Variants in TOP1MT observed in about 807,000 individuals in gnomAD.
The protein encoded by TOP1MT is DNA topoisomerase I, mitochondrial.
TOP1MT carries 80 observed loss-of-function variants against 73.9 expected under a neutral mutation model. The observed-to-expected ratio is 1.08, with a 90% CI of 0.90 to 1.30. The LOEUF is 1.30. Ranked by LOEUF, TOP1MT falls within the 50% of genes most tolerant of loss-of-function variation. The pLI, the probability that TOP1MT is intolerant of heterozygous loss-of-function variation, is 0.00. For missense variants in TOP1MT, 815 were observed against 808.0 expected (o/e 1.01, Z -0.10); for synonymous variants, 338 against 326.4 (o/e 1.04, Z -0.38).
At chr8:143,333,080 C>T (rs777162091) in intron 1 of TOP1MT, among the ~76,000 whole-genome samples, 6 of 152,168 alleles carry the variant, frequency 3.9e-5, no homozygotes, top group Non-Finnish European at 7.3e-5. Flanking sequence ...ACCTAGACAA[C>T]GCCTTCTTAG....
At chr8:143,340,885 G>A (rs185471724) in intron 2 of TOP1MT, among the ~76,000 whole-genome samples, 56 of 152,090 alleles carry the variant, frequency 3.7e-4, no homozygotes, top group South Asian at 2.3e-3. Context: ...CCTCGTCCTC[G>A]TTCTGTGCTT....
chr8:143,321,938 ACG>A (rs1563758593), intron 7 of TOP1MT, among the ~76,000 whole-genome samples: 13 of 106,780 alleles, frequency 1.2e-4, no homozygotes, highest in African/African-American at 4.8e-4. Context: ...CACGCCACAC[ACG>A]CACGCCACAC....
At chr8:143,350,492 T>G (rs1169945566) in intron 1 of TOP1MT, among the ~76,000 whole-genome samples, 1 of 152,108 alleles carries the variant, frequency 6.6e-6, no homozygotes, top group African/African-American at 2.4e-5. Flanking sequence ...CCACCATGCC[T>G]GGCTAATTTT....
intron 1 of TOP1MT, chr8:143,350,326 ACTTTT>A (rs955349930): frequency 3.3e-5 from 5 of 152,044 alleles, no homozygotes; most frequent in Admixed American, 1.3e-4. Flanking sequence ...CTTTCTTTTC[ACTTTT>A]CTTTTCTTTT....
At position 143,309,534 on chromosome 8, in the gene TOP1MT, C is replaced by T. The variant is rs766084492; in HGVS notation, c.1713G>A (p.Arg571=). 6.2e-7 allele frequency: 1 copy of T among 1,613,822 alleles called. No individual in the cohort carries two copies. Among genetic ancestry groups the T allele is most frequent in the African/African-American group, 1.3e-5 (1 of 75,044 alleles). Residue 571 remains arginine, a synonymous_variant, in exon 14 of 14, where the codon CGG becomes CGA. Coordinates refer to ENST00000329245, the MANE Select transcript of TOP1MT (RefSeq NM_052963.3). Reference sequence around the variant, plus strand: ...AGATCTTCTCCACTGGCACCCTGAACCGCTTGCACCTGCGGGAGGCAGCAT... The same window carrying T: ...AGATCTTCTCCACTGGCACCCTGAATCGCTTGCACCTGCGGGAGGCAGCAT... ...DPRISIAWCK[R]FRVPVEKIYS...
At chr8:143,359,976 G>A (rs1817477677), upstream of TOP1MT, 2 of 151,832 alleles carry the variant, frequency 1.3e-5, no homozygotes, top group South Asian at 4.1e-4. Context: ...GAAGGCCCGA[G>A]CCCGCGCATG....
chr8:143,350,500 T>C (rs1432128052), intron 1 of TOP1MT, among the ~76,000 whole-genome samples: 1 of 152,156 alleles, frequency 6.6e-6, no homozygotes, highest in East Asian at 1.9e-4. Context: ...CCTGGCTAAT[T>C]TTTGTATTTT....
chr8:143,349,423 A>G (rs1420651201), upstream of TOP1MT, among the ~76,000 whole-genome samples: 1 of 151,460 alleles, frequency 6.6e-6, no homozygotes, highest in Non-Finnish European at 1.5e-5. Flanking sequence ...AGGTTTACCT[A>G]CTGTGTCTTT....
At chr8:143,334,603 G>A (rs1421903338) in intron 1 of TOP1MT, 137 bp downstream of exon 1, 2 of 1,246,444 alleles carry the variant, frequency 1.6e-6, no homozygotes, top group African/African-American at 1.6e-5. Flanking sequence ...ACCGCGGCAC[G>A]CATGCTCTCC....
At position 143,315,716 on chromosome 8, in the gene TOP1MT, CG is replaced by C; in HGVS notation, c.1553+10del. The stretch of plus-strand genomic sequence containing the variant: ...CCCCGGGAGAAGGCGTCTGAGGGCA[CG>C]GGTACTCACCTCCTGGACTTGCCAT... On this transcript the variant is annotated intron_variant, in intron 12 of 13. Coordinates refer to ENST00000329245, the MANE Select transcript of TOP1MT (RefSeq NM_052963.3). 6.2e-7 allele frequency: 1 copy of C among 1,612,168 alleles called. No individual in the cohort carries two copies.
At chr8:143,331,930 G>A (rs887675018) in intron 1 of TOP1MT, 1 of 160,662 alleles carries the variant, frequency 6.2e-6, no homozygotes, top group African/African-American at 2.4e-5. Flanking sequence ...CCTGAAGCCA[G>A]AAGCCTCAGG....
rs560019502 is a variant in TOP1MT at position 143,309,627 on chromosome 8, T to C, written c.1704-84A>G. 9.5e-5 allele frequency: 150 copies of C among 1,583,832 alleles called. No homozygotes were observed. The African/African-American group carries it at 1.7e-3, about 18-fold the overall frequency. On this transcript the variant is annotated intron_variant, in intron 13 of 13. Coordinates refer to ENST00000329245, the MANE Select transcript of TOP1MT (RefSeq NM_052963.3). Reference sequence around the variant, plus strand: ...TCAGGGTGCTCGGCAAGGGCGAGCGTCCTCCATGCAGCAGAGACACCAGAG... The same window carrying C: ...TCAGGGTGCTCGGCAAGGGCGAGCGCCCTCCATGCAGCAGAGACACCAGAG...
intron 1 of TOP1MT, chr8:143,343,550 C>T (rs901618212): frequency 1.4e-5 from 4 of 279,186 alleles, no homozygotes; most frequent in South Asian, 3.5e-5. Context: ...AGGCCCCTCC[C>T]GGCCTCGGGA....
At position 143,316,009 on chromosome 8, in the gene TOP1MT, A is replaced by G. The variant is rs747709671; in HGVS notation, c.1448T>C (p.Leu483Pro). 2 of 1,614,074 alleles carry G rather than the reference A, an allele frequency of 1.2e-6. No individual in the cohort carries two copies. The highest frequency in any genetic ancestry group is 1.7e-6 in the Non-Finnish European group (2 of 1,179,982). The change falls in exon 11 of 14, where the codon CTC (leucine) becomes CCC (proline). Residue 483 changes from leucine (L) to proline (P), a missense_variant. Physicochemically the swap from Leu to Pro is moderately conservative, Grantham distance 98. Coordinates refer to ENST00000329245, the MANE Select transcript of TOP1MT (RefSeq NM_052963.3). The stretch of plus-strand genomic sequence containing the variant: ...CCTGGGAGCTGCTACCTTCGTCTGG[A>G]GATTCTGCATCGACTTCTCGAACGT... Reference protein sequence around the residue: ...PSTFEKSMQNLQTKIQAKKEQ... With the variant: ...PSTFEKSMQNPQTKIQAKKEQ...
chr8:143,340,634 C>T lies in TOP1MT; in HGVS notation c.29+2586G>A, dbSNP rs57269992. On this transcript the variant is annotated intron_variant, in intron 2 of 5. Coordinates refer to the TOP1MT transcript ENST00000518007. Reference sequence around the variant, plus strand: ...GTCACCCTTTGCCCCAGGGCAATGGCGAGGCCACGCCGCTGGCTGTGGTGC... The same window carrying T: ...GTCACCCTTTGCCCCAGGGCAATGGTGAGGCCACGCCGCTGGCTGTGGTGC... Among the ~76,000 whole-genome samples, 1,441 of 152,290 alleles carry T rather than the reference C, an allele frequency of 9.5e-3. 21 individuals are homozygous for T. The highest frequency in any genetic ancestry group is 0.032 in the African/African-American group (1,329 of 41,552).
At chr8:143,339,361 G>A (rs1478667038), upstream of TOP1MT, among the ~76,000 whole-genome samples, 3 of 152,314 alleles carry the variant, frequency 2.0e-5, no homozygotes, top group Admixed American at 6.5e-5. Flanking sequence ...TGCGCAGCTC[G>A]TGGCTGCGTA....
chr8:143,315,136 C>T (rs1036936963), intron 12 of TOP1MT, among the ~76,000 whole-genome samples: 22 of 151,896 alleles, frequency 1.4e-4, no homozygotes, highest in South Asian at 1.2e-3. Context: ...TTAGAGAAGA[C>T]TCTACTCCTC....
intron 1 of TOP1MT, 115 bp downstream of exon 1, chr8:143,334,625 T>C (rs1816941992): frequency 6.1e-6 from 9 of 1,470,646 alleles, no homozygotes; most frequent in East Asian, 2.7e-5. Flanking sequence ...GGCCCGACTT[T>C]TGGGAAAACC....
chr8:143,353,459 T>A (rs1445735002), intron 1 of TOP1MT, among the ~76,000 whole-genome samples: 2 of 151,870 alleles, frequency 1.3e-5, no homozygotes, highest in African/African-American at 4.8e-5. Flanking sequence ...TAAACATTTC[T>A]TCAAAGATGA....
Sources: allele counts gnomAD v4.1 joint callset (sites outside exome capture counted in the v4.1 genomes callset), GRCh38; gene constraint gnomAD v4.1.1; transcripts MANE v1.5; gene names NCBI Gene and HGNC (gene_info 2026-07-23, HGNC 2026-07-21).